The following EDC4 variants were observed in gnomAD, a reference collection of about 807,000 sequenced individuals.
EDC4 encodes enhancer of mRNA-decapping protein 4.
A neutral mutation model predicts 155.8 loss-of-function variants in EDC4; 64 were observed. The observed-to-expected ratio is 0.41, with a 90% CI of 0.34 to 0.51. The LOEUF is 0.51. Ranked by LOEUF, EDC4 falls within the 20% of genes least tolerant of loss-of-function variation. The probability of loss-of-function intolerance (pLI) is 0.19; values close to 1 mark genes in which losing one functional copy is unlikely to be tolerated. For missense variants in EDC4, 1,303 were observed against 1,812.5 expected (o/e 0.72, Z 5.10); for synonymous variants, 684 against 716.8 (o/e 0.95, Z 0.73).
At position 67,883,354 on chromosome 16, in the gene EDC4, C is replaced by T. The variant is rs2058078949; in HGVS notation, c.3849+177C>T. On this transcript the variant is annotated intron_variant, in intron 27 of 28. Coordinates refer to ENST00000358933, the MANE Select transcript of EDC4 (RefSeq NM_014329.5). This position sits in a 1 kb window ranked among gnomAD's most constrained non-coding sequence, Gnocchi z 5.3. ...TTCCTCTTCCTGGACCCCTTTCTTC[C>T]CACCTAGCCCACCTTGCTTTACAAC... 2 of 1,283,232 alleles carry T rather than the reference C, an allele frequency of 1.6e-6. No homozygotes were observed. The highest frequency in any genetic ancestry group is 2.1e-6 in the Non-Finnish European group (2 of 940,028). The allele number at this position is 1,283,232 out of a possible 1,614,324, so 79.5% of individuals were successfully genotyped here.
At position 67,883,502 on chromosome 16, in the gene EDC4, A is replaced by G; in HGVS notation, c.3850-66A>G. On this transcript the variant is annotated intron_variant, in intron 27 of 28. Coordinates refer to ENST00000358933, the MANE Select transcript of EDC4 (RefSeq NM_014329.5). This position sits in a 1 kb window ranked among gnomAD's most constrained non-coding sequence, Gnocchi z 5.3. Reference sequence around the variant, plus strand: ...GTGGTCATCCTCCCCCAGGCCACACAGTTCAGACAAGCAGACATTCCATCC... The same window carrying G: ...GTGGTCATCCTCCCCCAGGCCACACGGTTCAGACAAGCAGACATTCCATCC... 1 of 1,588,608 alleles carries G rather than the reference A, an allele frequency of 6.3e-7. No homozygotes were observed. Among genetic ancestry groups the G allele is most frequent in the East Asian group, 2.2e-5 (1 of 44,624 alleles).
chr16:67,881,186 A>G lies in EDC4; in HGVS notation c.2636+6A>G, dbSNP rs756516334. 4 of 1,613,902 alleles carry G rather than the reference A, an allele frequency of 2.5e-6. No individual in the cohort carries two copies. The highest frequency in any genetic ancestry group is 3.3e-5 in the Admixed American group (2 of 59,994). ...GATGCCAGTGCTGAGCAAAGGTGGGAGCCACTCTACACCATTGCCCTCATG... is the reference window on the plus strand; with the variant it reads ...GATGCCAGTGCTGAGCAAAGGTGGGGGCCACTCTACACCATTGCCCTCATG... On this transcript the variant is annotated splice_donor_region_variant and intron_variant, in intron 19 of 28. Coordinates refer to ENST00000358933, the MANE Select transcript of EDC4 (RefSeq NM_014329.5). The surrounding 1 kb of genome is among the most constrained non-coding windows in gnomAD (Gnocchi z 5.4).
chr16:67,877,236 C>G lies in EDC4; in HGVS notation c.471C>G (p.Ala157=), dbSNP rs776310657. ...TTCCAGCTGCCAACAATGGCTCTGC[C>G]ATGGTGCGGGTGATCAGCGTCAGCA... is the stretch of plus-strand genomic sequence containing the variant. ...YAIRAANNGS[A]MVRVISVSTS... Residue 157 remains alanine, a synonymous_variant, in exon 5 of 29, where the codon GCC becomes GCG. Coordinates refer to ENST00000358933, the MANE Select transcript of EDC4 (RefSeq NM_014329.5). The surrounding 1 kb of genome is among the most constrained non-coding windows in gnomAD (Gnocchi z 4.9). The G allele has an allele frequency of 1.9e-6, 3 of 1,613,612 alleles. No individual in the cohort carries two copies. Among genetic ancestry groups the G allele is most frequent in the Non-Finnish European group, 2.5e-6 (3 of 1,179,772 alleles).
chr16:67,877,269 G>A lies in EDC4; in HGVS notation c.504G>A (p.Glu168=). ...MVRVISVSTS[E]RTLLKGFTGS... is the part of the protein sequence containing the mutation. The stretch of plus-strand genomic sequence containing the variant: ...GGGTGATCAGCGTCAGCACTTCGGA[G>A]CGGACCTTGCTCAAGGGCTTCACAG... The change falls in exon 5 of 29, where the codon GAG becomes GAA. Residue 168 remains glutamate (E), a synonymous_variant. Transcript: ENST00000358933. The surrounding 1 kb of genome is among the most constrained non-coding windows in gnomAD (Gnocchi z 4.9). 6.2e-7 allele frequency: 1 copy of A among 1,614,204 alleles called. No individual in the cohort carries two copies. The highest frequency in any genetic ancestry group is 8.5e-7 in the Non-Finnish European group (1 of 1,180,040).
chr16:67,883,459 C>T lies in EDC4; in HGVS notation c.3850-109C>T. On this transcript the variant is annotated intron_variant, in intron 27 of 28. Transcript: ENST00000358933. The surrounding 1 kb of genome is among the most constrained non-coding windows in gnomAD (Gnocchi z 5.3). Reference sequence around the variant, plus strand: ...AGGCTCTCTCTGAGTCCCTCTGGAGCTCTCACTAGCCCACCCTGTGGTCAT... The same window carrying T: ...AGGCTCTCTCTGAGTCCCTCTGGAGTTCTCACTAGCCCACCCTGTGGTCAT... 6.6e-7 allele frequency: 1 copy of T among 1,506,728 alleles called. No homozygotes were observed. Among genetic ancestry groups the T allele is most frequent in the Non-Finnish European group, 9.0e-7 (1 of 1,110,988 alleles). 93.3% of individuals were successfully genotyped at this position (1,506,728 alleles called of 1,614,324 possible). A position where few individuals can be genotyped will look rare whatever the true frequency, so the allele number is the denominator to read the frequency against.
At position 67,875,975 on chromosome 16, in the gene EDC4, G is replaced by A; in HGVS notation, c.113G>A (p.Ser38Asn). Residue 38 changes from serine to asparagine, a missense_variant, in exon 2 of 29, where the codon AGT (serine) becomes AAT (asparagine). Around this residue, in one of 5 missense-constraint regions of EDC4, gnomAD observed 99 missense variants for 121.3 expected, o/e 0.82. Transcript: ENST00000358933. Reference sequence around the variant, plus strand: ...AGTGCAGAGAGCCCACGGCCATCCAGTGCCTACAATGGGGACCTCAATGGA... The same window carrying A: ...AGTGCAGAGAGCCCACGGCCATCCAATGCCTACAATGGGGACCTCAATGGA... The part of the protein sequence containing the change: ...GPSAESPRPS[S>N]AYNGDLNGLL... 6 of 1,614,076 alleles carry A rather than the reference G, an allele frequency of 3.7e-6. No individual in the cohort carries two copies. The highest frequency in any genetic ancestry group is 5.1e-6 in the Non-Finnish European group (6 of 1,180,016).
rs1028234026 is a variant in EDC4 at position 67,882,569 on chromosome 16, T to C, written c.3417T>C (p.Asp1139=). The change falls in exon 25 of 29, where the codon GAT becomes GAC. Residue 1139 remains aspartate, a synonymous_variant. Coordinates refer to ENST00000358933, the MANE Select transcript of EDC4 (RefSeq NM_014329.5). The surrounding 1 kb of genome is among the most constrained non-coding windows in gnomAD (Gnocchi z 7.2). ...AGGCCATGTTCCAGCAAATCAATGA[T>C]AGCTTCCGGCTGGGGACACAGGAAT... The part of the protein sequence containing the change: ...SCQAMFQQIN[D]SFRLGTQEYL... 1 of 1,614,192 alleles carries C rather than the reference T, an allele frequency of 6.2e-7. No individual in the cohort carries two copies. Among genetic ancestry groups the C allele is most frequent in the Non-Finnish European group, 8.5e-7 (1 of 1,180,032 alleles).
Position 67,881,422 on chromosome 16 carries a change from G to A in EDC4, c.2789+5G>A. On this transcript the variant is annotated splice_donor_5th_base_variant and intron_variant, in intron 20 of 28. Transcript: ENST00000358933. The surrounding 1 kb of genome is among the most constrained non-coding windows in gnomAD (Gnocchi z 5.4). ...GAAAAGCAAGAAGGATGATGGGTAGGGAGAAATCCTAGGGAGGGAGAGGGT... is the reference window on the plus strand; with the variant it reads ...GAAAAGCAAGAAGGATGATGGGTAGAGAGAAATCCTAGGGAGGGAGAGGGT... 1 of 1,614,090 alleles carries A rather than the reference G, an allele frequency of 6.2e-7. No individual in the cohort carries two copies. The highest frequency in any genetic ancestry group is 8.5e-7 in the Non-Finnish European group (1 of 1,179,970).
chr16:67,880,316 T>C lies in EDC4; in HGVS notation c.2097+100T>C, dbSNP rs1276747604. On this transcript the variant is annotated intron_variant, in intron 17 of 28. Transcript: ENST00000358933. The surrounding 1 kb of genome is among the most constrained non-coding windows in gnomAD (Gnocchi z 5.2). Reference sequence around the variant, plus strand: ...CCCAGCCCCCTGCTGCTGATCCTGCTCTACCCGACATGGTCCGTGTTTCCC... The same window carrying C: ...CCCAGCCCCCTGCTGCTGATCCTGCCCTACCCGACATGGTCCGTGTTTCCC... 2.0e-6 allele frequency: 3 copies of C among 1,484,350 alleles called. No homozygotes were observed. The highest frequency in any genetic ancestry group is 2.2e-5 in the Admixed American group (1 of 45,998). 91.9% of individuals were successfully genotyped at this position (1,484,350 alleles called of 1,614,324 possible).
At position 67,877,704 on chromosome 16, in the gene EDC4, G is replaced by A. The variant is rs1428374145; in HGVS notation, c.790-37G>A. ...GAGGCGCCAGAGAAGCCATAGTGTG[G>A]GGTTGGGCTGCACACTCACCTCCCT... On this transcript the variant is annotated intron_variant, in intron 6 of 28. Transcript: ENST00000358933. The surrounding 1 kb of genome is among the most constrained non-coding windows in gnomAD (Gnocchi z 4.9). The A allele has an allele frequency of 1.2e-6, 2 of 1,613,982 alleles. No homozygotes were observed. The highest frequency in any genetic ancestry group is 2.7e-5 in the African/African-American group (2 of 74,930).
In EDC4 at chr16:67,881,700, A is replaced by T. The variant is rs1203175012; in HGVS notation, c.2859A>T (p.Leu953=). The change falls in exon 22 of 29, where the codon CTA becomes CTT. Residue 953 remains leucine, a synonymous_variant. Coordinates refer to ENST00000358933, the MANE Select transcript of EDC4 (RefSeq NM_014329.5). The surrounding 1 kb of genome is among the most constrained non-coding windows in gnomAD (Gnocchi z 5.4). ...VAEPPEDWPA[L]IWQQQRELAE... ...AGCCCCCTGAGGACTGGCCAGCACT[A>T]ATTTGGCAACAGCAGAGAGAGCTGG... is the stretch of plus-strand genomic sequence containing the variant. 6.2e-7 allele frequency: 1 copy of T among 1,613,996 alleles called. No individual in the cohort carries two copies. The highest frequency in any genetic ancestry group is 1.7e-5 in the Admixed American group (1 of 60,018).
chr16:67,878,825 G>A lies in EDC4; in HGVS notation c.1273G>A (p.Asp425Asn). ...CTCAGCAGAATACCTGATTCTCAGCGATGTGCAACGGAAGGTAGGCTGCCA... is the reference window on the plus strand; with the variant it reads ...CTCAGCAGAATACCTGATTCTCAGCAATGTGCAACGGAAGGTAGGCTGCCA... ...DLSAEYLILS[D>N]VQRKVLYVME... Residue 425 changes from aspartate to asparagine, a missense_variant, in exon 11 of 29, where the codon GAT (aspartate) becomes AAT (asparagine). By Grantham distance (23) the Asp-to-Asn change is conservative (BLOSUM62 1). Coordinates refer to ENST00000358933, the MANE Select transcript of EDC4 (RefSeq NM_014329.5). This position sits in a 1 kb window ranked among gnomAD's most constrained non-coding sequence, Gnocchi z 5.2. 6.2e-7 allele frequency: 1 copy of A among 1,613,800 alleles called. No homozygotes were observed. The highest frequency in any genetic ancestry group is 8.5e-7 in the Non-Finnish European group (1 of 1,180,034).
Position 67,879,885 on chromosome 16 carries a change from C to T in EDC4, c.1857C>T (p.Ser619=). The T allele has an allele frequency of 6.3e-7, 1 of 1,591,954 alleles. No homozygotes were observed. The highest frequency in any genetic ancestry group is 8.6e-7 in the Non-Finnish European group (1 of 1,168,008). The change falls in exon 16 of 29, where the codon AGC becomes AGT. Residue 619 remains serine (S), a synonymous_variant. Coordinates refer to ENST00000358933, the MANE Select transcript of EDC4 (RefSeq NM_014329.5). The surrounding 1 kb of genome is among the most constrained non-coding windows in gnomAD (Gnocchi z 6.0). The stretch of plus-strand genomic sequence containing the variant: ...CTCCCAGCAGCAGCAGCAGCGGTAG[C>T]AGCAGCAGCAGCAGCAGTAGCAGCA... The part of the protein sequence containing the change: ...TASPSSSSSG[S]SSSSSSSSSS...
rs779879118 is a variant in EDC4, at chr16:67,879,651, G to C, written c.1698G>C (p.Gln566His). 13 of 1,614,182 alleles carry C rather than the reference G, an allele frequency of 8.1e-6. No homozygotes were observed. In the South Asian group the frequency reaches 1.4e-4, roughly 18 times the overall value. ...EGLGSAAHGSQPDLRRIVELP... is the reference protein window; with the variant it reads ...EGLGSAAHGSHPDLRRIVELP... ...TGGGGTCAGCCGCTCACGGCTCCCA[G>C]CCTGACCTCCGACGAATCGTGGAGC... is the stretch of plus-strand genomic sequence containing the variant. The change falls in exon 15 of 29, where the codon CAG (glutamine) becomes CAC (histidine). Residue 566 changes from glutamine to histidine, a missense_variant. Physicochemically the swap from Gln to His is conservative, Grantham distance 24. Coordinates refer to ENST00000358933, the MANE Select transcript of EDC4 (RefSeq NM_014329.5). This position sits in a 1 kb window ranked among gnomAD's most constrained non-coding sequence, Gnocchi z 6.0.
chr16:67,874,954 G>C (rs1487263907), intron 1 of EDC4, among the ~76,000 whole-genome samples: 2 of 152,106 alleles, frequency 1.3e-5, no homozygotes, highest in East Asian at 3.9e-4. Flanking sequence ...AATTAGGTGA[G>C]CTGTAATCCC....
Position 67,879,975 on chromosome 16 carries a change from A to G in EDC4, c.1943+4A>G. 6.2e-7 allele frequency: 1 copy of G among 1,605,224 alleles called. No individual in the cohort carries two copies. The highest frequency in any genetic ancestry group is 8.5e-7 in the Non-Finnish European group (1 of 1,174,068). ...CTGTGGACCCCTCCTTGACCAGGTG[A>G]GGCAAGGGTCAGAGATGGAGGATGG... On this transcript the variant is annotated splice_donor_region_variant and intron_variant, in intron 16 of 28. Transcript: ENST00000358933. The surrounding 1 kb of genome is among the most constrained non-coding windows in gnomAD (Gnocchi z 6.0).
chr16:67,879,356 C>T lies in EDC4; in HGVS notation c.1541+47C>T. On this transcript the variant is annotated intron_variant, in intron 13 of 28. Transcript: ENST00000358933. This position sits in a 1 kb window ranked among gnomAD's most constrained non-coding sequence, Gnocchi z 6.0. ...CCAGTGTCCTGTCTGTGTCTGTCTCCACTCTACTGACCCTTGCCCTTGGAG... is the reference window on the plus strand; with the variant it reads ...CCAGTGTCCTGTCTGTGTCTGTCTCTACTCTACTGACCCTTGCCCTTGGAG... 6.2e-7 allele frequency: 1 copy of T among 1,614,206 alleles called. No homozygotes were observed. The highest frequency in any genetic ancestry group is 8.5e-7 in the Non-Finnish European group (1 of 1,180,034).
rs202103924 is a variant in EDC4, at chr16:67,882,484, A to G, written c.3332A>G (p.Gln1111Arg). The change falls in exon 25 of 29, where the codon CAG becomes CGG. Residue 1111 changes from glutamine to arginine, a missense_variant. Gln to Arg is a conservative substitution (Grantham distance 43, BLOSUM62 1). Around this residue, in one of 5 missense-constraint regions of EDC4, gnomAD observed 527 missense variants for 757.0 expected, o/e 0.70. Transcript: ENST00000358933. The surrounding 1 kb of genome is among the most constrained non-coding windows in gnomAD (Gnocchi z 7.2). ...GCAGACACATTACAAGGGCCGATGC[A>G]GGCTGCCTACCGGGAAGCCTTCCAG... ...AAADTLQGPMQAAYREAFQSV... is the reference protein window; with the variant it reads ...AAADTLQGPMRAAYREAFQSV... The G allele has an allele frequency of 1.9e-6, 3 of 1,614,238 alleles. No homozygotes were observed.
rs1205570983 is a variant in EDC4 at position 67,880,298 on chromosome 16, C to T, written c.2097+82C>T. ...GGTGGGTGGTGGGCTCCTCCCAGCC[C>T]CCTGCTGCTGATCCTGCTCTACCCG... On this transcript the variant is annotated intron_variant, in intron 17 of 28. Coordinates refer to ENST00000358933, the MANE Select transcript of EDC4 (RefSeq NM_014329.5). This position sits in a 1 kb window ranked among gnomAD's most constrained non-coding sequence, Gnocchi z 5.2. 3 of 1,506,030 alleles carry T rather than the reference C, an allele frequency of 2.0e-6. No individual in the cohort carries two copies. The African/African-American group carries it at 4.2e-5, about 21-fold the overall frequency. The allele number at this position is 1,506,030 out of a possible 1,614,324, so 93.3% of individuals were successfully genotyped here. A position where few individuals can be genotyped will look rare whatever the true frequency, so the allele number is the denominator to read the frequency against.
Sources: allele counts gnomAD v4.1 joint callset (sites outside exome capture counted in the v4.1 genomes callset), GRCh38; gene constraint gnomAD v4.1.1; regional missense constraint gnomAD v4.1.1; non-coding constraint Gnocchi (gnomAD v3.1); transcripts MANE v1.5; gene names NCBI Gene and HGNC (gene_info 2026-07-23, HGNC 2026-07-21).